MICALL2: variants seen among roughly 807,000 people sequenced by gnomAD.
MICALL2 encodes the protein MICAL like 2.
In MICALL2, 111 loss-of-function variants were observed where a neutral mutation model predicts 91.1. The observed-to-expected ratio is 1.22, with a 90% CI of 1.04 to 1.43. The LOEUF (loss-of-function observed/expected upper bound fraction) is 1.43, where lower values mean the gene tolerates loss of function less well. Ranked by LOEUF, MICALL2 falls within the 40% of genes most tolerant of loss-of-function variation. The pLI is 0.00. For missense variants in MICALL2, 1,556 were observed against 1,236.0 expected (o/e 1.26, Z -3.88); for synonymous variants, 694 against 525.3 (o/e 1.32, Z -4.39).
At position 1,450,295 on chromosome 7, in the gene MICALL2, G is replaced by A. The variant is rs776000355; in HGVS notation, c.144-7C>T. ...CTTGAGAGCACTGAAGTTTCTGGAA[G>A]ATAAAAACATGATGTCCAAAGCAGC... On this transcript the variant is annotated splice_region_variant and splice_polypyrimidine_tract_variant and intron_variant, in intron 1 of 16. Transcript: ENST00000297508. 2.2e-5 allele frequency: 35 copies of A among 1,612,276 alleles called. No individual in the cohort carries two copies. Among genetic ancestry groups the A allele is most frequent in the African/African-American group, 6.7e-5 (5 of 74,908 alleles).
At chr7:1,447,438 G>A in intron 4 of MICALL2, 137 bp downstream of exon 4, 1 of 588,884 alleles carries the variant, frequency 1.7e-6, no homozygotes, top group Non-Finnish European at 3.0e-6. Context: ...TCTTGCTAAG[G>A]CTGAGCCCTG....
In MICALL2 at chr7:1,452,745, G is replaced by C. The variant is rs1780879868; in HGVS notation, c.144-2457C>G. ...AGGCCCTCTGGACACACCAGAGCCA[G>C]TGCCCACACGGCACAGGTCTGGGCT... On this transcript the variant is annotated intron_variant, in intron 1 of 16. Transcript: ENST00000297508. This position sits in a 1 kb window ranked among gnomAD's most constrained non-coding sequence, Gnocchi z 6.2. Among the ~76,000 whole-genome samples, 1 of 152,202 alleles carries C rather than the reference G, an allele frequency of 6.6e-6. No homozygotes were observed. Among genetic ancestry groups the C allele is most frequent in the Non-Finnish European group, 1.5e-5 (1 of 68,024 alleles).
In MICALL2 at chr7:1,457,009, G is replaced by A. The variant is rs553728211; in HGVS notation, c.143+2175C>T. Among the ~76,000 whole-genome samples, 3 of 152,222 alleles carry A rather than the reference G, an allele frequency of 2.0e-5. No individual in the cohort carries two copies. In the East Asian group the frequency reaches 5.8e-4, roughly 29 times the overall value. On this transcript the variant is annotated intron_variant, in intron 1 of 16. Transcript: ENST00000297508. ...CTCACGGCTCTGGAGGCCGGACTCC[G>A]ACATCAAGGTGTGGGCTGGGCCTTG...
chr7:1,434,725 G>A lies in MICALL2; in HGVS notation c.2639-53C>T, dbSNP rs538508775. On this transcript the variant is annotated intron_variant, in intron 16 of 16. Coordinates refer to ENST00000297508, the MANE Select transcript of MICALL2 (RefSeq NM_182924.4). ...TGCTCAACGCCGCAGCCGCACAGCC[G>A]TGGCCCACACAAGTCCCCCTGCCAG... 731 of 1,490,664 alleles carry A rather than the reference G, an allele frequency of 4.9e-4. 5 individuals carry two copies. Among genetic ancestry groups the A allele is most frequent in the African/African-American group, 8.4e-5 (6 of 71,386 alleles). 92.3% of individuals were successfully genotyped at this position (1,490,664 alleles called of 1,614,324 possible).
Position 1,440,277 on chromosome 7 carries a change from T to C in MICALL2, c.1806-192A>G, listed in dbSNP as rs1023944314. On this transcript the variant is annotated intron_variant, in intron 8 of 16. Transcript: ENST00000297508. ...CACACGTGTCCATCGCTACCTGCCG[T>C]GGTGCGAAGCAGATTCCAGGCGTGA... 1.3e-5 allele frequency: 9 copies of C among 702,976 alleles called. No individual in the cohort carries two copies. In the African/African-American group the frequency reaches 1.4e-4, roughly 11 times the overall value. The allele number at this position is 702,976 out of a possible 1,614,324, so 43.5% of individuals were successfully genotyped here.
intron 4 of MICALL2, 25 bp downstream of exon 4, chr7:1,447,549 AG>A: frequency 2.1e-6 from 2 of 937,630 alleles, no homozygotes; most frequent in South Asian, 1.6e-5. Context: ...CCAGAGAACC[AG>A]GGGGAGGGTG....
chr7:1,444,862 G>C lies in MICALL2; in HGVS notation c.1208C>G (p.Pro403Arg), dbSNP rs146158377. The stretch of plus-strand genomic sequence containing the variant: ...GGAGGCGGACGGGGTCCAGGCTGGG[G>C]GGTCCACCGTGGCTGCAGATGTGGA... ...SSSTSAATVD[P>R]PAWTPSASRT... The change falls in exon 6 of 17, where the codon CCC (proline) becomes CGC (arginine). Residue 403 changes from proline to arginine, a missense_variant. Pro to Arg is a moderately radical substitution (Grantham distance 103). Transcript: ENST00000297508. 264 of 1,601,974 alleles carry C rather than the reference G, an allele frequency of 1.6e-4. 1 individual carries two copies. In the African/African-American group the frequency reaches 3.2e-3, roughly 19 times the overall value.
chr7:1,453,931 T>C (rs1174468317), intron 1 of MICALL2, among the ~76,000 whole-genome samples: 1 of 152,190 alleles, frequency 6.6e-6, no homozygotes, highest in Non-Finnish European at 1.5e-5. Context: ...TTGCCGTCTG[T>C]GTGTCGGTCA....
chr7:1,441,947 A>T, intron 7 of MICALL2: 1 of 563,086 alleles, frequency 1.8e-6, no homozygotes, highest in Non-Finnish European at 3.2e-6. Context: ...CACCTGCAGG[A>T]CGTGCGGATG....
At chr7:1,458,968 C>G (rs1328199958) in intron 1 of MICALL2, among the ~76,000 whole-genome samples, 1 of 152,210 alleles carries the variant, frequency 6.6e-6, no homozygotes, top group Non-Finnish European at 1.5e-5. Flanking sequence ...ACTCAGCCGG[C>G]GGGCGGGGGA....
chr7:1,448,675 C>G lies in MICALL2; in HGVS notation c.279G>C (p.Leu93=), dbSNP rs201349613. ...DMVALKVPDR[L]SILTYVSQYY... is the part of the protein sequence containing the mutation. ...ACTGGGACACGTAGGTCAAGATGCT[C>G]AGCCGGTCAGGCACCTTCAAGGCCA... Residue 93 remains leucine, a synonymous_variant, in exon 3 of 17, where the codon CTG becomes CTC. Coordinates refer to ENST00000297508, the MANE Select transcript of MICALL2 (RefSeq NM_182924.4). The G allele has an allele frequency of 6.2e-7, 1 of 1,612,820 alleles. No homozygotes were observed. Among genetic ancestry groups the G allele is most frequent in the East Asian group, 2.2e-5 (1 of 44,868 alleles).
intron 2 of MICALL2, 126 bp from the exon 3 acceptor site, chr7:1,448,887 C>G: frequency 8.7e-7 from 1 of 1,155,106 alleles, no homozygotes; most frequent in Non-Finnish European, 1.2e-6. Flanking sequence ...GAGGCCGGAG[C>G]TGAGTTCTGC....
At chr7:1,440,514 G>T in intron 8 of MICALL2, 77 bp downstream of exon 8, 1 of 1,296,340 alleles carries the variant, frequency 7.7e-7, no homozygotes, top group South Asian at 1.2e-5. Flanking sequence ...CGTGTCAATC[G>T]GTCGATTACA....
At position 1,436,800 on chromosome 7, in the gene MICALL2, C is replaced by T. The variant is rs370800124; in HGVS notation, c.2533G>A (p.Val845Met). ...RREQELLEQY[V>M]STVNDRSDIV... ...TCACTGCGGTCGTTCACGGTGCTCA[C>T]GTACTGCTCCAGCAGCTCCTGCTCC... The change falls in exon 15 of 17, where the codon GTG becomes ATG. Residue 845 changes from valine to methionine, a missense_variant. Physicochemically the swap from Val to Met is conservative, Grantham distance 21 (BLOSUM62 1). Transcript: ENST00000297508. The T allele has an allele frequency of 1.5e-5, 24 of 1,608,276 alleles. No homozygotes were observed. Among genetic ancestry groups the T allele is most frequent in the Admixed American group, 5.0e-5 (3 of 59,712 alleles).
rs2128519660 is a variant in MICALL2 at position 1,438,895 on chromosome 7, G to A, written c.2067C>T (p.Ala689=). Residue 689 remains alanine (A), a synonymous_variant, in exon 10 of 17, where the codon GCC becomes GCT. Transcript: ENST00000297508. The part of the protein sequence containing the change: ...WLRPEPPGQE[A]RVQSWKEEEK... ...CCTCCTCCTTCCAGCTCTGCACTCGGGCTTCCTGGCCAGGGGGCTCCGGCC... is the reference window on the plus strand; with the variant it reads ...CCTCCTCCTTCCAGCTCTGCACTCGAGCTTCCTGGCCAGGGGGCTCCGGCC... 1.9e-6 allele frequency: 3 copies of A among 1,610,592 alleles called. No individual in the cohort carries two copies. Among genetic ancestry groups the A allele is most frequent in the Non-Finnish European group, 2.5e-6 (3 of 1,179,522 alleles).
In MICALL2 at chr7:1,439,969, G is replaced by C. The variant is rs749333078; in HGVS notation, c.1922C>G (p.Pro641Arg). ...SVHITLTPVR[P>R]DRTPRPASPG... Reference sequence around the variant, plus strand: ...GCTGGCTGGGCGTGGGGTCCTGTCAGGCCTCACGGGGGTCAGGGTGATGTG... The same window carrying C: ...GCTGGCTGGGCGTGGGGTCCTGTCACGCCTCACGGGGGTCAGGGTGATGTG... Residue 641 changes from proline to arginine, a missense_variant, in exon 9 of 17, where the codon CCT becomes CGT. Coordinates refer to ENST00000297508, the MANE Select transcript of MICALL2 (RefSeq NM_182924.4). 2 of 1,519,644 alleles carry C rather than the reference G, an allele frequency of 1.3e-6. No individual in the cohort carries two copies. The highest frequency in any genetic ancestry group is 8.7e-7 in the Non-Finnish European group (1 of 1,143,644). 94.1% of individuals were successfully genotyped at this position (1,519,644 alleles called of 1,614,324 possible). A position where few individuals can be genotyped will look rare whatever the true frequency, so the allele number is the denominator to read the frequency against.
chr7:1,445,850 G>A (rs529640742), intron 5 of MICALL2, among the ~76,000 whole-genome samples: 69 of 152,200 alleles, frequency 4.5e-4, no homozygotes, highest in Non-Finnish European at 8.2e-4. Flanking sequence ...CAGAGCTGGG[G>A]ACAGAAGTAG....
rs954610139 is a variant in MICALL2 at position 1,459,365 on chromosome 7, G to A, written c.-39C>T. The A allele has an allele frequency of 1.3e-5, 18 of 1,400,608 alleles. No individual in the cohort carries two copies. The South Asian group carries it at 2.3e-4, about 18-fold the overall frequency. The allele number at this position is 1,400,608 out of a possible 1,614,324, so 86.8% of individuals were successfully genotyped here. The stretch of plus-strand genomic sequence containing the variant: ...CCGCCGCGCGGCGGAACCGCCCTCC[G>A]ACACCTTCCCGCGGCTGTGCCGCGA... On this transcript the variant is annotated 5_prime_UTR_variant, in exon 1 of 17. Transcript: ENST00000297508.
intron 1 of MICALL2, among the ~76,000 whole-genome samples, chr7:1,453,584 A>T (rs1333290656): frequency 6.6e-6 from 1 of 152,066 alleles, no homozygotes; most frequent in East Asian, 1.9e-4. Context: ...CCGGACAAAA[A>T]TGCATCAGCT....
Sources: gnomAD v4.1 joint callset for allele counts (sites outside exome capture counted in the v4.1 genomes callset) on GRCh38, gnomAD v4.1.1 for gene constraint, Gnocchi (gnomAD v3.1) non-coding constraint, MANE v1.5 for transcripts, NCBI Gene and HGNC (gene_info 2026-07-23, HGNC 2026-07-21) for gene names.